WFS1: variants seen among roughly 807,000 people sequenced by gnomAD.
WFS1 encodes the protein wolframin ER transmembrane glycoprotein.
Under a neutral mutation model 68.5 loss-of-function variants are expected in WFS1, and 90 were observed. That is an observed-to-expected ratio of 1.31 (90% CI 1.11 to 1.56). WFS1 has a LOEUF of 1.56. Among genes scored for constraint, WFS1 ranks in the 40% most tolerant of loss-of-function variants. The pLI is 0.00. For synonymous variants in WFS1, 860 were observed against 540.7 expected (o/e 1.59, Z -8.19); for missense variants, 1,767 against 1,232.6 (o/e 1.43, Z -6.49).
At chr4:6,299,880 ATGTG>A (rs201599652) in intron 7 of WFS1, among the ~76,000 whole-genome samples, 1 of 56,662 alleles carries the variant, frequency 1.8e-5, no homozygotes, top group Non-Finnish European at 3.0e-5. Context: ...GGTGGGCTGC[ATGTG>A]TGTGTGTAGG....
At chr4:6,297,563 G>A (rs1178469212) in intron 7 of WFS1, among the ~76,000 whole-genome samples, 1 of 152,162 alleles carries the variant, frequency 6.6e-6, no homozygotes, top group African/African-American at 2.4e-5. Flanking sequence ...TTTGCCCACA[G>A]GTTTGAGCAG....
chr4:6,274,903 G>C (rs62283056), intron 1 of WFS1, among the ~76,000 whole-genome samples: 29,748 of 152,080 alleles, frequency 0.2, 3,048 homozygotes, highest in Middle Eastern at 0.23. Context: ...GGCAGGTCTG[G>C]ATTTGAATTT....
At position 6,295,455 on chromosome 4, in the gene WFS1, C is replaced by T. The variant is rs115292641; in HGVS notation, c.861+266C>T. Among the ~76,000 whole-genome samples the T allele has an allele frequency of 0.01, 1,580 of 152,234 alleles. 25 individuals carry two copies. The highest frequency in any genetic ancestry group is 0.036 in the African/African-American group (1,512 of 41,544). On this transcript the variant is annotated intron_variant, in intron 7 of 7. Coordinates refer to ENST00000226760, the MANE Select transcript of WFS1 (RefSeq NM_006005.3). ...TGCTAGGATGGCAAGCAAGGGGCCC[C>T]TGGGTCTTTCTGTGCAGTGTAGGGG...
rs867889010 is a variant in WFS1 at position 6,287,694 on chromosome 4, A to G, written c.315+519A>G. 2.0e-5 allele frequency among the ~76,000 whole-genome samples: 3 copies of G among 152,280 alleles called. No individual in the cohort carries two copies. Among genetic ancestry groups the G allele is most frequent in the South Asian group, 4.2e-4 (2 of 4,818 alleles). ...AGAAGCAGACCCAAAAAACCCAAGT[A>G]GACAAGACACAGAAATACAGTGATT... On this transcript the variant is annotated intron_variant, in intron 3 of 7. Transcript: ENST00000226760. The surrounding 1 kb of genome is among the most constrained non-coding windows in gnomAD (Gnocchi z 6.4).
At position 6,300,879 on chromosome 4, in the gene WFS1, C is replaced by T. The variant is rs746351317; in HGVS notation, c.1084C>T (p.Leu362Phe). The T allele has an allele frequency of 2.5e-6, 4 of 1,614,156 alleles. No homozygotes were observed. The highest frequency in any genetic ancestry group is 2.5e-6 in the Non-Finnish European group (3 of 1,180,020). The change falls in exon 8 of 8, where the codon CTC becomes TTC. Residue 362 changes from leucine (L) to phenylalanine (F), a missense_variant. Coordinates refer to ENST00000226760, the MANE Select transcript of WFS1 (RefSeq NM_006005.3). The part of the protein sequence containing the change: ...LSFISMVICT[L>F]KVFQDSKAWE... The stretch of plus-strand genomic sequence containing the variant: ...CTTCATCTCCATGGTGATCTGCACC[C>T]TCAAGGTGTTCCAGGACAGCAAGGC...
At chr4:6,296,832 T>A (rs1730651809) in intron 7 of WFS1, among the ~76,000 whole-genome samples, 1 of 152,242 alleles carries the variant, frequency 6.6e-6, no homozygotes. Flanking sequence ...CCTATTTATT[T>A]ATGTTACTTA....
chr4:6,274,239 G>T (rs1322188733), intron 1 of WFS1, among the ~76,000 whole-genome samples: 1 of 151,912 alleles, frequency 6.6e-6, no homozygotes, highest in Non-Finnish European at 1.5e-5. Context: ...AATAGAGACG[G>T]GGTTTCACTG....
Position 6,302,587 on chromosome 4 carries a change from G to A in WFS1, c.*119G>A. ...GTGCCCACGTGTGCAGACTGTGGCT[G>A]CAGAGACCTTGCGACCATGTGTAGA... On this transcript the variant is annotated 3_prime_UTR_variant, in exon 8 of 8. Transcript: ENST00000226760. 3 of 1,457,536 alleles carry A rather than the reference G, an allele frequency of 2.1e-6. No homozygotes were observed. The highest frequency in any genetic ancestry group is 1.9e-5 in the Admixed American group (1 of 53,522). The allele number at this position is 1,457,536 out of a possible 1,614,324, so 90.3% of individuals were successfully genotyped here.
intron 2 of WFS1, among the ~76,000 whole-genome samples, chr4:6,279,476 C>A (rs1474369289): frequency 6.6e-6 from 1 of 152,136 alleles, no homozygotes; most frequent in East Asian, 1.9e-4. Context: ...TTTAAACATA[C>A]CGTGGAGCCT....
chr4:6,285,729 C>T (rs4688988), intron 2 of WFS1, among the ~76,000 whole-genome samples: 117,272 of 152,096 alleles, frequency 0.77, 45,682 homozygotes, highest in East Asian at 1. Flanking sequence ...CCAGGCAGCA[C>T]TTGGTGCTGC....
chr4:6,301,771 TCTA>T lies in WFS1; in HGVS notation c.1978_1980del (p.Tyr660del). ...GTGTACCGCTCAGAGGGCATGAAGG[TCTA>T]CAACTCCACACTGACCTGGCAGCAG... On this transcript the variant is annotated inframe_deletion, in exon 8 of 8. Transcript: ENST00000226760. The T allele has an allele frequency of 6.2e-7, 1 of 1,613,570 alleles. No individual in the cohort carries two copies. The highest frequency in any genetic ancestry group is 1.1e-5 in the South Asian group (1 of 91,072).
rs982571589 is a variant in WFS1 at position 6,283,198 on chromosome 4, T to C, written c.233-3895T>C. 8.5e-5 allele frequency among the ~76,000 whole-genome samples: 13 copies of C among 152,128 alleles called. No homozygotes were observed. The highest frequency in any genetic ancestry group is 3.1e-4 in the African/African-American group (13 of 41,438). Reference sequence around the variant, plus strand: ...GAATCTCTCAAATCCATAGGGCCCGTGCATGACAAATAATTAAAAAGATGT... The same window carrying C: ...GAATCTCTCAAATCCATAGGGCCCGCGCATGACAAATAATTAAAAAGATGT... On this transcript the variant is annotated intron_variant, in intron 2 of 7. Transcript: ENST00000226760. The surrounding 1 kb of genome is among the most constrained non-coding windows in gnomAD (Gnocchi z 5.0).
intron 2 of WFS1, among the ~76,000 whole-genome samples, chr4:6,285,792 T>G (rs896921949): frequency 6.6e-6 from 1 of 152,132 alleles, no homozygotes; most frequent in African/African-American, 2.4e-5. Context: ...CCTGGGTGAG[T>G]TGGACCAGAA....
At position 6,291,255 on chromosome 4, in the gene WFS1, G is replaced by A; in HGVS notation, c.519G>A (p.Glu173=). 1 of 1,613,338 alleles carries A rather than the reference G, an allele frequency of 6.2e-7. No homozygotes were observed. The highest frequency in any genetic ancestry group is 8.5e-7 in the Non-Finnish European group (1 of 1,180,010). The change falls in exon 5 of 8, where the codon GAG becomes GAA. Residue 173 remains glutamate (E), a synonymous_variant. Coordinates refer to ENST00000226760, the MANE Select transcript of WFS1 (RefSeq NM_006005.3). ...VRQLSSETDL[E]RAVRKAALVM... is the part of the protein sequence containing the mutation. ...AGCTCTCCTCCGAGACCGACCTGGA[G>A]AGGGCCGTGCGCAAGGCAGCCCTGG...
Position 6,291,977 on chromosome 4 carries a change from A to G in WFS1, c.692A>G (p.Glu231Gly), listed in dbSNP as rs772473353. The G allele has an allele frequency of 1.9e-6, 3 of 1,609,034 alleles. No individual in the cohort carries two copies. Among genetic ancestry groups the G allele is most frequent in the South Asian group, 2.2e-5 (2 of 89,858 alleles). ...KSLQKQRRML[E>G]RLVSSESKNY... ...CTGCAGAAGCAGAGGCGCATGCTGG[A>G]GCGCCTGGTCAGCAGCGAGTGTGAG... Residue 231 changes from glutamate to glycine, a missense_variant, in exon 6 of 8, where the codon GAG (glutamate) becomes GGG (glycine). Transcript: ENST00000226760.
At chr4:6,293,728 C>G (rs1050079290) in intron 6 of WFS1, among the ~76,000 whole-genome samples, 1 of 152,194 alleles carries the variant, frequency 6.6e-6, no homozygotes, top group African/African-American at 2.4e-5. Context: ...GTATTCATCC[C>G]TATGAGGACA....
At chr4:6,293,744 C>A (rs1730542731) in intron 6 of WFS1, among the ~76,000 whole-genome samples, 2 of 152,204 alleles carry the variant, frequency 1.3e-5, no homozygotes, top group Non-Finnish European at 2.9e-5. Flanking sequence ...GGACAGGGGC[C>A]TTCCTTGTGG....
chr4:6,302,389 A>G lies in WFS1; in HGVS notation c.2594A>G (p.His865Arg). ...SPTRRHVKIE[H>R]DWRSTVHGAV... ...ACCAGGCGGCACGTGAAGATCGAGC[A>G]CGACTGGCGCAGCACCGTGCATGGC... The change falls in exon 8 of 8, where the codon CAC becomes CGC. Residue 865 changes from histidine (H) to arginine (R), a missense_variant. Physicochemically the swap from His to Arg is conservative, Grantham distance 29. Coordinates refer to ENST00000226760, the MANE Select transcript of WFS1 (RefSeq NM_006005.3). 2 of 1,613,120 alleles carry G rather than the reference A, an allele frequency of 1.2e-6. No homozygotes were observed. Among genetic ancestry groups the G allele is most frequent in the Non-Finnish European group, 1.7e-6 (2 of 1,179,982 alleles).
chr4:6,281,720 C>T (rs1479910223), intron 2 of WFS1, among the ~76,000 whole-genome samples: 1 of 152,066 alleles, frequency 6.6e-6, no homozygotes, highest in African/African-American at 2.4e-5. Context: ...CCCTGCTGCC[C>T]TGGGGACAGG....
Sources: allele counts gnomAD v4.1 joint callset (sites outside exome capture counted in the v4.1 genomes callset), GRCh38; gene constraint gnomAD v4.1.1; non-coding constraint Gnocchi (gnomAD v3.1); transcripts MANE v1.5; gene names NCBI Gene and HGNC (gene_info 2026-07-23, HGNC 2026-07-21).